Variants in PCDH11X observed in about 807,000 individuals in gnomAD.
PCDH11X encodes protocadherin-11 X-linked.
PCDH11X carries 18 observed loss-of-function variants against 53.3 expected under a neutral mutation model. The ratio of observed to expected loss-of-function variants is 0.34; its 90% CI spans 0.23 to 0.50. The LOEUF (loss-of-function observed/expected upper bound fraction) is 0.50, where lower values mean the gene tolerates loss of function less well. PCDH11X is among the 20% of genes least tolerant of loss of function. The probability of loss-of-function intolerance (pLI) is 0.98; values close to 1 mark genes in which losing one functional copy is unlikely to be tolerated. For synonymous variants in PCDH11X, 279 were observed against 393.3 expected, an observed-to-expected ratio of 0.71 and a Z score of 3.44; for missense variants, 570 against 1,032.4, an observed-to-expected ratio of 0.55 and a Z score of 6.14.
chrX:91,780,244 G>GAGGAGAGCC (rs906497519), intron 1 of PCDH11X, among the ~76,000 whole-genome samples: 17 of 111,644 alleles, frequency 1.5e-4, no homozygotes, highest in African/African-American at 4.9e-4. Context: ...TTGGCGCAGA[G>GAGGAGAGCC]AGGAGAGCCA....
At chrX:92,543,697 G>A (rs1271960582) in intron 10 of PCDH11X, among the ~76,000 whole-genome samples, 1 of 108,866 alleles carries the variant, frequency 9.2e-6, no homozygotes, top group African/African-American at 3.3e-5. Flanking sequence ...AGAATGGCTT[G>A]AATCCGGGAG....
At chrX:91,792,461 T>A (rs1935587101) in intron 1 of PCDH11X, among the ~76,000 whole-genome samples, 1 of 110,338 alleles carries the variant, frequency 9.1e-6, no homozygotes, top group Admixed American at 9.7e-5. Flanking sequence ...GGATGAAATT[T>A]TAATCATAAA....
In PCDH11X at chrX:92,396,268, G is replaced by A. The variant is rs1331019615; in HGVS notation, c.3343+8335G>A. Among the ~76,000 whole-genome samples, 20 of 106,044 alleles carry A rather than the reference G, an allele frequency of 1.9e-4. No individual in the cohort carries two copies. In the East Asian group the frequency reaches 2.7e-3, roughly 15 times the overall value. 92.1% of individuals were successfully genotyped at this position (106,044 alleles called of 115,157 possible). A position where few individuals can be genotyped will look rare whatever the true frequency, so the allele number is the denominator to read the frequency against. On this transcript the variant is annotated intron_variant, in intron 9 of 10. Transcript: ENST00000682573. ...AAACAGAATCTCCAGGAGGAGAAAC[G>A]CAGAATATGTGAATATATCTTTTAT...
At position 92,302,587 on chromosome X, in the gene PCDH11X, G is replaced by GT. The variant is rs1221147303; in HGVS notation, c.3144+39451dup. Among the ~76,000 whole-genome samples the GT allele has an allele frequency of 5.4e-5, 6 of 111,553 alleles. No homozygotes were observed. In the East Asian group the frequency reaches 1.4e-3, roughly 26 times the overall value. On this transcript the variant is annotated intron_variant, in intron 8 of 10. Transcript: ENST00000682573. ...TCAGAGTTTATTGGCTAGGACAGTTGTTTTTTTATAGCCTGGAGCTTAGTG... is the reference window on the plus strand; with the variant it reads ...TCAGAGTTTATTGGCTAGGACAGTTGTTTTTTTTATAGCCTGGAGCTTAGTG...
At chrX:92,596,325 C>A in intron 10 of PCDH11X, among the ~76,000 whole-genome samples, 1 of 110,435 alleles carries the variant, frequency 9.1e-6, no homozygotes, top group Non-Finnish European at 1.9e-5. Context: ...TGCTGTTTTT[C>A]CATCTCTGTG....
At chrX:91,906,563 A>G (rs1217004624) in intron 6 of PCDH11X, among the ~76,000 whole-genome samples, 1 of 111,467 alleles carries the variant, frequency 9.0e-6, no homozygotes, top group Admixed American at 9.6e-5. Context: ...TGTCAGCCTG[A>G]CAGGTGATTT....
rs748898418 is a variant in PCDH11X at position 92,605,330 on chromosome X, AAAC to A, written c.3368-12928_3368-12926del. ...CTAAGTAATAAATTGGTTAAAGAAG[AAAC>A]AACAAGAGAAATTCCAAAACATTTA... On this transcript the variant is annotated intron_variant, in intron 10 of 10. Transcript: ENST00000682573. 7.9e-3 allele frequency among the ~76,000 whole-genome samples: 882 copies of A among 111,501 alleles called. 3 individuals are homozygous for A. Among genetic ancestry groups the A allele is most frequent in the African/African-American group, 0.027 (833 of 30,647 alleles).
intron 8 of PCDH11X, among the ~76,000 whole-genome samples, chrX:92,315,170 A>C (rs767944081): frequency 4.3e-4 from 48 of 112,037 alleles, no homozygotes; most frequent in African/African-American, 1.5e-3. Context: ...TTAAACTTTT[A>C]CAGATGCTCA....
intron 10 of PCDH11X, among the ~76,000 whole-genome samples, chrX:92,513,264 A>T (rs1023184220): frequency 2.8e-5 from 3 of 106,108 alleles, no homozygotes; most frequent in Admixed American, 1.0e-4. Context: ...AACAAAACCC[A>T]CAAAACTATG....
At chrX:91,781,506 A>G (rs1211303670) in intron 1 of PCDH11X, among the ~76,000 whole-genome samples, 1 of 113,163 alleles carries the variant, frequency 8.8e-6, no homozygotes, top group Admixed American at 9.2e-5. Flanking sequence ...TGTGACTCAA[A>G]ATAGAAAAGG....
chrX:92,053,122 CAT>C lies in PCDH11X; in HGVS notation c.3034-148249_3034-148248del, dbSNP rs746721521. ...ACTATTCATGTATTTACATATTTAT[CAT>C]ATAAATTTAGAAAGTTATTAGAAAA... On this transcript the variant is annotated intron_variant, in intron 6 of 10. Transcript: ENST00000682573. Among the ~76,000 whole-genome samples the C allele has an allele frequency of 6.3e-5, 7 of 111,570 alleles. No individual in the cohort carries two copies. In the East Asian group the frequency reaches 2.0e-3, roughly 31 times the overall value.
chrX:91,892,691 A>G (rs1228325251), intron 6 of PCDH11X, among the ~76,000 whole-genome samples: 1 of 105,142 alleles, frequency 9.5e-6, no homozygotes, highest in Non-Finnish European at 1.9e-5. Context: ...CTGTGGAGAT[A>G]GGACAAGAAC....
At chrX:91,954,390 T>C (rs947269507) in intron 6 of PCDH11X, among the ~76,000 whole-genome samples, 5 of 111,531 alleles carry the variant, frequency 4.5e-5, no homozygotes, top group Non-Finnish European at 9.4e-5. Context: ...TCCATGTCTT[T>C]GGTATTGTGA....
At chrX:92,023,331 A>G (rs1275336943) in intron 6 of PCDH11X, among the ~76,000 whole-genome samples, 2 of 108,009 alleles carry the variant, frequency 1.9e-5, no homozygotes, top group Non-Finnish European at 3.8e-5. Context: ...GATAAAGAGG[A>G]TATCACCCCG....
intron 9 of PCDH11X, among the ~76,000 whole-genome samples, chrX:92,431,962 A>G (rs1490479960): frequency 9.1e-6 from 1 of 110,485 alleles, no homozygotes; most frequent in Non-Finnish European, 1.9e-5. Context: ...TATAAAGGAC[A>G]AAATGATCTG....
At chrX:91,782,924 T>C (rs1273370874) in intron 1 of PCDH11X, among the ~76,000 whole-genome samples, 1 of 110,849 alleles carries the variant, frequency 9.0e-6, no homozygotes, top group Non-Finnish European at 1.9e-5. Context: ...CAGAATGCAG[T>C]TGGAGAAGGT....
intron 10 of PCDH11X, among the ~76,000 whole-genome samples, chrX:92,578,873 G>A (rs1285028566): frequency 9.1e-6 from 1 of 109,809 alleles, no homozygotes; most frequent in Non-Finnish European, 1.9e-5. Flanking sequence ...TGTTTTTGTA[G>A]TGGATCATAA....
At position 92,148,177 on chromosome X, in the gene PCDH11X, T is replaced by TTCCTTCC. The variant is rs1569389547; in HGVS notation, c.3034-53197_3034-53196insCCTTCCT. Among the ~76,000 whole-genome samples, 19 of 24,370 alleles carry TTCCTTCC rather than the reference T, an allele frequency of 7.8e-4. 3 individuals carry two copies. The highest frequency in any genetic ancestry group is 4.1e-3 in the African/African-American group (19 of 4,608). 21.2% of individuals were successfully genotyped at this position (24,370 alleles called of 115,157 possible). On this transcript the variant is annotated intron_variant, in intron 6 of 10. Transcript: ENST00000682573. ...CCTTCCTTCCTTCCTTCCTTCCTTC[T>TTCCTTCC]TTCTTTCTTTCTTTCTTTCTTTCTT...
chrX:92,382,803 CA>C (rs1207040394), intron 8 of PCDH11X, among the ~76,000 whole-genome samples: 1 of 104,911 alleles, frequency 9.5e-6, no homozygotes. Flanking sequence ...GTCACTGTTC[CA>C]GTCAATAGAT....
Sources: gnomAD v4.1 joint callset for allele counts (sites outside exome capture counted in the v4.1 genomes callset) on GRCh38, gnomAD v4.1.1 for gene constraint, MANE v1.5 for transcripts, NCBI Gene and HGNC (gene_info 2026-07-23, HGNC 2026-07-21) for gene names.